Variants in MCTP1 observed in about 807,000 individuals in gnomAD.
The protein encoded by MCTP1 is multiple C2 and transmembrane domain-containing protein 1.
A neutral mutation model predicts 120.6 loss-of-function variants in MCTP1; 69 were observed. That is an observed-to-expected ratio of 0.57 (90% CI 0.47 to 0.70). The LOEUF (loss-of-function observed/expected upper bound fraction) is 0.70, where lower values mean the gene tolerates loss of function less well. Among genes scored for constraint, MCTP1 ranks in the 30% least tolerant of loss-of-function variants. The pLI, the probability that MCTP1 is intolerant of heterozygous loss-of-function variation, is 0.00. For missense variants in MCTP1, 1,203 were observed against 1,248.8 expected (o/e 0.96, Z 0.55); for synonymous variants, 529 against 493.1 (o/e 1.07, Z -0.96).
chr5:95,268,184 T>C (rs1356997322), intron 1 of MCTP1, among the ~76,000 whole-genome samples: 4 of 152,248 alleles, frequency 2.6e-5, no homozygotes, highest in African/African-American at 9.6e-5. Flanking sequence ...TTCTATAAGA[T>C]CGTAAGCTCT....
At chr5:95,099,941 T>C (rs1756595152) in intron 1 of MCTP1, among the ~76,000 whole-genome samples, 1 of 151,648 alleles carries the variant, frequency 6.6e-6, no homozygotes, top group South Asian at 2.1e-4. Context: ...TACCATGCAG[T>C]CATAAAAAAT....
At chr5:94,731,375 T>G (rs1314313916) in intron 19 of MCTP1, among the ~76,000 whole-genome samples, 2 of 152,158 alleles carry the variant, frequency 1.3e-5, no homozygotes, top group Non-Finnish European at 2.9e-5. Flanking sequence ...AAACAATTAG[T>G]CCTGAATTTT....
intron 4 of MCTP1, 89 bp downstream of exon 4, chr5:94,942,259 G>A: frequency 1.0e-6 from 1 of 956,632 alleles, no homozygotes; most frequent in Non-Finnish European, 1.7e-6. Context: ...ATAAATGACA[G>A]AACTAGACCC....
chr5:95,277,202 A>T (rs899669129), intron 1 of MCTP1, among the ~76,000 whole-genome samples: 1 of 152,138 alleles, frequency 6.6e-6, no homozygotes, highest in African/African-American at 2.4e-5. Context: ...GTCCAATACC[A>T]AGAACTACAT....
intron 19 of MCTP1, among the ~76,000 whole-genome samples, chr5:94,721,414 G>A (rs73776703): frequency 2.8e-3 from 422 of 152,128 alleles, no homozygotes; most frequent in African/African-American, 9.7e-3. Context: ...TTAAATATTC[G>A]CTCATTCTTC....
intron 1 of MCTP1, among the ~76,000 whole-genome samples, chr5:95,206,295 A>G (rs1751604871): frequency 6.6e-6 from 1 of 152,232 alleles, no homozygotes; most frequent in African/African-American, 2.4e-5. Context: ...CATTTATATT[A>G]AATGCTCAGA....
At chr5:95,270,934 A>AAAAC (rs1024095347) in intron 1 of MCTP1, among the ~76,000 whole-genome samples, 11 of 151,842 alleles carry the variant, frequency 7.2e-5, no homozygotes, top group African/African-American at 2.7e-4. Flanking sequence ...TCTCTCTCAA[A>AAAAC]AAAAAAATGC....
At chr5:94,842,165 GT>G (rs1425112961) in intron 17 of MCTP1, among the ~76,000 whole-genome samples, 1 of 152,140 alleles carries the variant, frequency 6.6e-6, no homozygotes, top group Non-Finnish European at 1.5e-5. Context: ...ACTTGAGAAG[GT>G]TTTTGTGTAA....
chr5:95,125,223 G>C (rs1758535699), intron 1 of MCTP1, among the ~76,000 whole-genome samples: 1 of 152,152 alleles, frequency 6.6e-6, no homozygotes, highest in Non-Finnish European at 1.5e-5. Flanking sequence ...TTTAATTGAT[G>C]TTAGTTACAT....
chr5:94,795,477 C>G (rs79315761), intron 18 of MCTP1, among the ~76,000 whole-genome samples: 1,720 of 152,304 alleles, frequency 0.011, 33 homozygotes, highest in African/African-American at 0.039. Context: ...TGTCTCTCTA[C>G]AGTAACTGTA....
intron 1 of MCTP1, among the ~76,000 whole-genome samples, chr5:95,076,178 T>C (rs2152284708): frequency 6.6e-6 from 1 of 150,612 alleles, no homozygotes; most frequent in Admixed American, 6.6e-5. Context: ...AATGATATAT[T>C]ATGATAAAAG....
chr5:94,877,975 T>C (rs1799275548), intron 12 of MCTP1, among the ~76,000 whole-genome samples: 1 of 152,120 alleles, frequency 6.6e-6, no homozygotes, highest in South Asian at 2.1e-4. Flanking sequence ...TGTTGCCATG[T>C]CTGAAAACAC....
chr5:94,726,970 G>A (rs1339097441), intron 19 of MCTP1, among the ~76,000 whole-genome samples: 1 of 152,176 alleles, frequency 6.6e-6, no homozygotes, highest in African/African-American at 2.4e-5. Flanking sequence ...TGCTCTTTGT[G>A]ACATCTCCAC....
intron 17 of MCTP1, among the ~76,000 whole-genome samples, chr5:94,857,455 CTTCAGTGCCTTTGGAGAGCCATGCAT>C (rs1794925584): frequency 6.6e-6 from 1 of 151,650 alleles, no homozygotes; most frequent in Non-Finnish European, 1.5e-5. Context: ...TTAAATATGC[CTTCAGTGCCTTTGGAGAGCCATGCAT>C]TTGTGACAAA....
At chr5:95,245,160 T>A (rs1693898819) in intron 1 of MCTP1, among the ~76,000 whole-genome samples, 1 of 152,194 alleles carries the variant, frequency 6.6e-6, no homozygotes, top group African/African-American at 2.4e-5. Flanking sequence ...AAACCCCATC[T>A]GTAGGTCACC....
chr5:95,093,681 A>T (rs1306335190), intron 1 of MCTP1, among the ~76,000 whole-genome samples: 2 of 152,178 alleles, frequency 1.3e-5, no homozygotes, highest in Admixed American at 1.3e-4. Context: ...TTTCCAAAGA[A>T]AGGGAGTCCT....
chr5:95,173,454 G>A (rs932790430), intron 1 of MCTP1, among the ~76,000 whole-genome samples: 6 of 152,152 alleles, frequency 3.9e-5, no homozygotes, highest in African/African-American at 1.4e-4. Flanking sequence ...TACAAGGAGA[G>A]ACTCCTAATA....
At chr5:95,228,188 G>A (rs549415493) in intron 1 of MCTP1, among the ~76,000 whole-genome samples, 6 of 152,220 alleles carry the variant, frequency 3.9e-5, no homozygotes, top group East Asian at 3.9e-4. Flanking sequence ...GCCCTTAGTT[G>A]AAGAAATGGC....
chr5:94,746,822 A>G (rs1401149553), intron 19 of MCTP1, among the ~76,000 whole-genome samples: 2 of 152,212 alleles, frequency 1.3e-5, no homozygotes, highest in East Asian at 3.9e-4. Flanking sequence ...AAACTCCACA[A>G]CCTGGTCCCA....
Sources: allele counts gnomAD v4.1 joint callset (sites outside exome capture counted in the v4.1 genomes callset), GRCh38; gene constraint gnomAD v4.1.1; transcripts MANE v1.5; gene names NCBI Gene and HGNC (gene_info 2026-07-23, HGNC 2026-07-21).